The following GSK3B variants were observed in gnomAD, a reference collection of about 807,000 sequenced individuals.
GSK3B encodes glycogen synthase kinase-3 beta.
Under a neutral mutation model 56.4 loss-of-function variants are expected in GSK3B, and 15 were observed. The ratio of observed to expected loss-of-function variants is 0.27; its 90% CI spans 0.18 to 0.41. The LOEUF is 0.41. GSK3B is among the 10% of genes least tolerant of loss of function. The probability of loss-of-function intolerance (pLI) is 1.00; values close to 1 mark genes in which losing one functional copy is unlikely to be tolerated. For synonymous variants in GSK3B, 181 were observed against 188.9 expected (o/e 0.96, Z 0.34); for missense variants, 300 against 513.4 (o/e 0.58, Z 4.02).
intron 2 of GSK3B, among the ~76,000 whole-genome samples, chr3:119,960,991 A>G (rs540982568): frequency 2.3e-4 from 35 of 152,328 alleles, no homozygotes; most frequent in Middle Eastern, 3.4e-3. Flanking sequence ...TGACAAAAAG[A>G]GATACGTTAA....
At chr3:120,037,431 A>C (rs1313590955) in intron 1 of GSK3B, among the ~76,000 whole-genome samples, 1 of 152,212 alleles carries the variant, frequency 6.6e-6, no homozygotes, top group Non-Finnish European at 1.5e-5. Context: ...GAAAAACTGA[A>C]GACACATTAT....
At chr3:119,833,446 T>A (rs73854725) in intron 10 of GSK3B, among the ~76,000 whole-genome samples, 1 of 152,190 alleles carries the variant, frequency 6.6e-6, no homozygotes, top group African/African-American at 2.4e-5. Flanking sequence ...ATGTTCTATT[T>A]ATATTCTCTA....
intron 1 of GSK3B, among the ~76,000 whole-genome samples, chr3:120,078,882 CTTCT>C (rs1425647583): frequency 6.8e-6 from 1 of 147,778 alleles, no homozygotes; most frequent in Non-Finnish European, 1.5e-5. Flanking sequence ...AAGCACAGCT[CTTCT>C]TTAATTTTCT....
chr3:119,935,398 G>A (rs1481700092), intron 3 of GSK3B, among the ~76,000 whole-genome samples: 1 of 152,082 alleles, frequency 6.6e-6, no homozygotes, highest in East Asian at 1.9e-4. Context: ...CTGTAATTTG[G>A]GGTTTTCATC....
At chr3:119,922,604 T>G (rs2056854385) in intron 4 of GSK3B, among the ~76,000 whole-genome samples, 1 of 151,364 alleles carries the variant, frequency 6.6e-6, no homozygotes, top group Non-Finnish European at 1.5e-5. Flanking sequence ...GATAACCCTT[T>G]TATTATTGTG....
chr3:119,875,498 GACACACACAC>G (rs66880409), intron 8 of GSK3B, among the ~76,000 whole-genome samples: 7,828 of 144,920 alleles, frequency 0.054, 262 homozygotes, highest in East Asian at 0.1. Context: ...GGTAACCCGT[GACACACACAC>G]ACACACACAC....
chr3:120,032,028 G>C (rs2057980619), intron 1 of GSK3B, among the ~76,000 whole-genome samples: 1 of 152,100 alleles, frequency 6.6e-6, no homozygotes, highest in African/African-American at 2.4e-5. Flanking sequence ...CCTGAAAGTG[G>C]CAAAGTTTGA....
chr3:119,841,310 A>C (rs767581248), intron 10 of GSK3B, among the ~76,000 whole-genome samples: 5 of 152,244 alleles, frequency 3.3e-5, no homozygotes, highest in African/African-American at 4.8e-5. Flanking sequence ...CAAAAACATA[A>C]GTCACAATCA....
Position 119,982,408 on chromosome 3 carries a change from G to C in GSK3B, c.282+19638C>G, listed in dbSNP as rs186463667. 2.0e-5 allele frequency among the ~76,000 whole-genome samples: 3 copies of C among 152,198 alleles called. No individual in the cohort carries two copies. The East Asian group carries it at 5.8e-4, about 29-fold the overall frequency. On this transcript the variant is annotated intron_variant, in intron 2 of 10. Coordinates refer to ENST00000264235, the MANE Select transcript of GSK3B (RefSeq NM_001146156.2). ...AGGCTTCATAAGGTCGGTAATAACA[G>C]ACTTCTCCGAGTTAAAGGAGAATGT...
chr3:120,068,345 C>G (rs551248336), intron 1 of GSK3B, among the ~76,000 whole-genome samples: 119 of 146,524 alleles, frequency 8.1e-4, no homozygotes, highest in Middle Eastern at 3.6e-3. Flanking sequence ...GAGCTGAGAT[C>G]GCGCCACTGC....
At chr3:120,073,343 C>T (rs916365860) in intron 1 of GSK3B, among the ~76,000 whole-genome samples, 15 of 151,454 alleles carry the variant, frequency 9.9e-5, no homozygotes, top group Non-Finnish European at 1.6e-4. Flanking sequence ...GCCACAACCA[C>T]ACCACAGCAC....
At chr3:120,001,778 A>C (rs1274778420) in intron 2 of GSK3B, among the ~76,000 whole-genome samples, 1 of 152,240 alleles carries the variant, frequency 6.6e-6, no homozygotes, top group African/African-American at 2.4e-5. Flanking sequence ...GTATAAATTA[A>C]GAAATTTTAA....
rs527310768 is a variant in GSK3B, at chr3:119,883,436, A to C, written c.814-6928T>G. Among the ~76,000 whole-genome samples, 3 of 150,194 alleles carry C rather than the reference A, an allele frequency of 2.0e-5. No individual in the cohort carries two copies. In the South Asian group the frequency reaches 6.3e-4, roughly 31 times the overall value. ...AGACGTGATCATGAATGGTCCCCAAAAAAATTATTAAAAAAAAGAGGAAAC... is the reference window on the plus strand; with the variant it reads ...AGACGTGATCATGAATGGTCCCCAACAAAATTATTAAAAAAAAGAGGAAAC... On this transcript the variant is annotated intron_variant, in intron 7 of 10. Coordinates refer to ENST00000264235, the MANE Select transcript of GSK3B (RefSeq NM_001146156.2).
At chr3:119,859,129 T>G (rs148469943) in intron 9 of GSK3B, among the ~76,000 whole-genome samples, 190 of 151,230 alleles carry the variant, frequency 1.3e-3, no homozygotes, top group Non-Finnish European at 1.9e-3. Context: ...CATAGCCTGT[T>G]GGAAAAACAG....
intron 5 of GSK3B, among the ~76,000 whole-genome samples, chr3:119,915,456 C>T (rs1444490991): frequency 6.6e-6 from 1 of 151,796 alleles, no homozygotes; most frequent in Non-Finnish European, 1.5e-5. Flanking sequence ...CATTATATTC[C>T]CAAAGATCCT....
chr3:119,951,094 C>T (rs560803681), intron 2 of GSK3B, among the ~76,000 whole-genome samples: 2 of 152,282 alleles, frequency 1.3e-5, no homozygotes, highest in African/African-American at 4.8e-5. Context: ...TAAGGGGATA[C>T]TGGAAATGAG....
intron 4 of GSK3B, among the ~76,000 whole-genome samples, chr3:119,919,416 C>T (rs972791747): frequency 6.6e-5 from 10 of 151,664 alleles, no homozygotes; most frequent in Middle Eastern, 3.4e-3. Context: ...CTCATCAATT[C>T]CAGACACTGT....
chr3:120,012,137 A>G (rs1289029864), intron 1 of GSK3B, among the ~76,000 whole-genome samples: 1 of 152,230 alleles, frequency 6.6e-6, no homozygotes, highest in African/African-American at 2.4e-5. Flanking sequence ...ACACTTTGGC[A>G]ACATTAGGTT....
Position 120,094,414 on chromosome 3 carries a change from C to T in GSK3B, c.-980G>A, listed in dbSNP as rs902845270. On this transcript the variant is annotated 5_prime_UTR_variant, in exon 1 of 11. Transcript: ENST00000264235. ...GCGGCGGCGGCGGCGGCGGCACAAG[C>T]CCGCATTCGCCCGGGTCAGGAGCTG... The T allele has an allele frequency of 3.1e-5, 10 of 319,340 alleles. No individual in the cohort carries two copies. In the South Asian group the frequency reaches 3.2e-4, roughly 10 times the overall value. The allele number at this position is 319,340 out of a possible 1,614,324, so 19.8% of individuals were successfully genotyped here. A position where few individuals can be genotyped will look rare whatever the true frequency, so the allele number is the denominator to read the frequency against.
Sources: gnomAD v4.1 joint callset for allele counts (sites outside exome capture counted in the v4.1 genomes callset) on GRCh38, gnomAD v4.1.1 for gene constraint, MANE v1.5 for transcripts, NCBI Gene and HGNC (gene_info 2026-07-23, HGNC 2026-07-21) for gene names.